KCNMA1: variants seen among roughly 807,000 people sequenced by gnomAD.
KCNMA1 encodes the protein potassium calcium-activated channel subfamily M alpha 1, also known as Calcium-activated potassium channel subunit alpha-1.
Under a neutral mutation model 140.0 loss-of-function variants are expected in KCNMA1, and 29 were observed. The ratio of observed to expected loss-of-function variants is 0.21; its 90% CI spans 0.15 to 0.28. KCNMA1 has a LOEUF of 0.28. Ranked by LOEUF, KCNMA1 falls within the 10% of genes least tolerant of loss-of-function variation. The probability of loss-of-function intolerance (pLI) is 1.00; values close to 1 mark genes in which losing one functional copy is unlikely to be tolerated. For missense variants in KCNMA1, 880 were observed against 1,602.2 expected, an observed-to-expected ratio of 0.55 and a Z score of 7.70; for synonymous variants, 612 against 611.9, an observed-to-expected ratio of 1.00 and a Z score of 0.00.
intron 2 of KCNMA1, among the ~76,000 whole-genome samples, chr10:77,264,342 A>G (rs2062836936): frequency 6.6e-6 from 1 of 152,200 alleles, no homozygotes; most frequent in South Asian, 2.1e-4. Flanking sequence ...CATTTGTTTG[A>G]GGGTGGGTGG....
intron 19 of KCNMA1, among the ~76,000 whole-genome samples, chr10:76,981,441 A>G (rs535502926): frequency 6.6e-6 from 1 of 152,332 alleles, no homozygotes; most frequent in South Asian, 2.1e-4. Flanking sequence ...GGGACAGAGG[A>G]ACCCCACTGT....
chr10:77,575,238 C>T (rs1369706678), intron 1 of KCNMA1, among the ~76,000 whole-genome samples: 3 of 152,174 alleles, frequency 2.0e-5, no homozygotes, highest in Non-Finnish European at 4.4e-5. Context: ...TCCCTGAATA[C>T]AGGGCAAATG....
chr10:77,149,991 C>T (rs1336287783), intron 5 of KCNMA1: 1 of 152,142 alleles, frequency 6.6e-6, no homozygotes, highest in African/African-American at 2.4e-5. Flanking sequence ...TCATACACAA[C>T]AGGAACAATC....
chr10:76,920,902 T>C (rs185989512), intron 23 of KCNMA1, among the ~76,000 whole-genome samples: 23 of 152,340 alleles, frequency 1.5e-4, no homozygotes, highest in African/African-American at 5.5e-4. Flanking sequence ...TATGCTTAAC[T>C]TGCTTTGGTA....
At chr10:77,516,874 C>A (rs1354393321) in intron 1 of KCNMA1, among the ~76,000 whole-genome samples, 1 of 151,924 alleles carries the variant, frequency 6.6e-6, no homozygotes, top group East Asian at 1.9e-4. Context: ...GCCTCTCATG[C>A]AGGCATGTGT....
intron 14 of KCNMA1, among the ~76,000 whole-genome samples, chr10:77,042,374 T>G (rs2094773754): frequency 6.6e-6 from 1 of 152,208 alleles, no homozygotes; most frequent in Non-Finnish European, 1.5e-5. Flanking sequence ...CTAATCTGCC[T>G]TAGTAAAAAA....
At chr10:77,470,544 C>T (rs930946040) in intron 1 of KCNMA1, among the ~76,000 whole-genome samples, 3 of 152,126 alleles carry the variant, frequency 2.0e-5, no homozygotes, top group Non-Finnish European at 2.9e-5. Context: ...CCAGCGCCAG[C>T]GACCACAAAG....
intron 14 of KCNMA1, among the ~76,000 whole-genome samples, chr10:77,066,265 G>C (rs948724135): frequency 1.3e-5 from 2 of 152,192 alleles, no homozygotes; most frequent in African/African-American, 2.4e-5. Flanking sequence ...GGAGCTAGTA[G>C]TAGGAGTGCA....
At chr10:77,607,998 C>G (rs2085180936) in intron 1 of KCNMA1, among the ~76,000 whole-genome samples, 2 of 152,142 alleles carry the variant, frequency 1.3e-5, no homozygotes, top group African/African-American at 2.4e-5. Context: ...CCTCCATCCT[C>G]TTTCCTAGGG....
intron 1 of KCNMA1, among the ~76,000 whole-genome samples, chr10:77,464,852 C>A (rs976080240): frequency 6.6e-6 from 1 of 152,176 alleles, no homozygotes; most frequent in Non-Finnish European, 1.5e-5. Context: ...GATATGATAT[C>A]ACAAGGGTTC....
At chr10:77,082,014 T>C (rs1595552509) in intron 12 of KCNMA1, among the ~76,000 whole-genome samples, 1 of 48,576 alleles carries the variant, frequency 2.1e-5, no homozygotes, top group African/African-American at 8.8e-5. Context: ...TTTCTTTTTT[T>C]TTTTTTTTTT....
intron 14 of KCNMA1, among the ~76,000 whole-genome samples, chr10:77,055,110 G>A (rs996685238): frequency 1.3e-5 from 2 of 152,184 alleles, no homozygotes; most frequent in African/African-American, 4.8e-5. Context: ...AGAGATATCT[G>A]AGTTACTGGT....
intron 3 of KCNMA1, among the ~76,000 whole-genome samples, chr10:77,243,398 G>T (rs1481664370): frequency 2.6e-5 from 4 of 152,172 alleles, no homozygotes; most frequent in African/African-American, 4.8e-5. Context: ...GCCCTCTTGC[G>T]GTATAAACTC....
chr10:77,288,921 A>G (rs997674426), intron 2 of KCNMA1, among the ~76,000 whole-genome samples: 16 of 152,214 alleles, frequency 1.1e-4, no homozygotes, highest in African/African-American at 3.9e-4. Flanking sequence ...GCAAGAAGAA[A>G]GGTTGGCACT....
chr10:77,364,874 A>ACTGGACAG (rs2094242228), intron 2 of KCNMA1, among the ~76,000 whole-genome samples: 1 of 152,240 alleles, frequency 6.6e-6, no homozygotes, highest in African/African-American at 2.4e-5. Flanking sequence ...CAGAGTTTTT[A>ACTGGACAG]CTGGACAGCA....
intron 2 of KCNMA1, among the ~76,000 whole-genome samples, chr10:77,360,988 C>T (rs1390631311): frequency 6.6e-6 from 1 of 152,134 alleles, no homozygotes; most frequent in South Asian, 2.1e-4. Context: ...AGTACTAGGT[C>T]AAGGTGTCCC....
Position 76,887,166 on chromosome 10 carries a change from G to A in KCNMA1, c.*100C>T, listed in dbSNP as rs2037445148. On this transcript the variant is annotated 3_prime_UTR_variant, in exon 28 of 28. Transcript: ENST00000286628. ...GCAAATATGTGTAAAAAAAAAGGGG[G>A]GGACTACAGGGGAAAACAGGGAAAG... is the stretch of plus-strand genomic sequence containing the variant. 1.9e-6 allele frequency: 3 copies of A among 1,611,374 alleles called. No homozygotes were observed. In the South Asian group the frequency reaches 3.3e-5, roughly 18 times the overall value.
At chr10:77,323,227 T>G (rs2082879566) in intron 2 of KCNMA1, among the ~76,000 whole-genome samples, 1 of 152,174 alleles carries the variant, frequency 6.6e-6, no homozygotes, top group Admixed American at 6.5e-5. Flanking sequence ...CCACATCTGA[T>G]GGAAGGCAAA....
chr10:77,414,193 G>A (rs546279844), intron 1 of KCNMA1, among the ~76,000 whole-genome samples: 8 of 152,282 alleles, frequency 5.3e-5, no homozygotes, highest in Admixed American at 1.3e-4. Flanking sequence ...TGTCTGACCC[G>A]GAGGCCTGGA....
Sources: gnomAD v4.1 joint callset for allele counts (sites outside exome capture counted in the v4.1 genomes callset) on GRCh38, gnomAD v4.1.1 for gene constraint, MANE v1.5 for transcripts, NCBI Gene and HGNC (gene_info 2026-07-23, HGNC 2026-07-21) for gene names.